SLCO4C1: variants seen among roughly 807,000 people sequenced by gnomAD.
SLCO4C1 encodes the protein solute carrier organic anion transporter family member 4C1.
In SLCO4C1, 58 loss-of-function variants were observed where a neutral mutation model predicts 72.1. The ratio of observed to expected loss-of-function variants is 0.80; its 90% CI spans 0.65 to 1.00. The LOEUF (loss-of-function observed/expected upper bound fraction) is 1.00. Ranked by LOEUF, SLCO4C1 falls within the 50% of genes least tolerant of loss-of-function variation. SLCO4C1 has a pLI of 0.00. For missense variants in SLCO4C1, 898 were observed against 857.9 expected, an observed-to-expected ratio of 1.05 and a Z score of -0.58; for synonymous variants, 297 against 312.5, an observed-to-expected ratio of 0.95 and a Z score of 0.52.
At chr5:102,258,614 T>G (rs1466923360) in intron 6 of SLCO4C1, among the ~76,000 whole-genome samples, 1 of 152,156 alleles carries the variant, frequency 6.6e-6, no homozygotes, top group African/African-American at 2.4e-5. Context: ...TGGCTAGACC[T>G]CTCATAATCT....
chr5:102,279,895 A>T (rs1324320235), intron 2 of SLCO4C1, among the ~76,000 whole-genome samples: 2 of 152,016 alleles, frequency 1.3e-5, no homozygotes, highest in Admixed American at 6.6e-5. Context: ...TTCAACAATG[A>T]TTCCTGATAA....
At chr5:102,293,522 T>C (rs1561384120) in intron 1 of SLCO4C1, among the ~76,000 whole-genome samples, 1 of 152,114 alleles carries the variant, frequency 6.6e-6, no homozygotes, top group Non-Finnish European at 1.5e-5. Flanking sequence ...CATTAGAAAA[T>C]TAAGTACTTA....
chr5:102,289,417 A>G (rs1322956137), intron 2 of SLCO4C1, among the ~76,000 whole-genome samples: 1 of 152,222 alleles, frequency 6.6e-6, no homozygotes, highest in African/African-American at 2.4e-5. Context: ...TTTACGTTTC[A>G]GTTTAGAGAG....
At chr5:102,282,160 T>C (rs1040674379) in intron 2 of SLCO4C1, among the ~76,000 whole-genome samples, 1 of 152,178 alleles carries the variant, frequency 6.6e-6, no homozygotes, top group Non-Finnish European at 1.5e-5. Flanking sequence ...CAAAATATTA[T>C]ATACCGTATA....
At chr5:102,261,385 C>G (rs1313384577) in intron 5 of SLCO4C1, among the ~76,000 whole-genome samples, 1 of 151,498 alleles carries the variant, frequency 6.6e-6, no homozygotes, top group Non-Finnish European at 1.5e-5. Flanking sequence ...GCACTCCAGT[C>G]TGGGCAACAG....
At chr5:102,247,834 T>C (rs1180204045) in intron 9 of SLCO4C1, among the ~76,000 whole-genome samples, 1 of 151,982 alleles carries the variant, frequency 6.6e-6, no homozygotes, top group African/African-American at 2.4e-5. Context: ...AAATCTTTTT[T>C]AGACATTAAG....
At chr5:102,284,591 G>C (rs919293497) in intron 2 of SLCO4C1, among the ~76,000 whole-genome samples, 3 of 151,692 alleles carry the variant, frequency 2.0e-5, no homozygotes, top group Admixed American at 2.0e-4. Flanking sequence ...GAATGCATTT[G>C]CTTTATAGTG....
Position 102,287,035 on chromosome 5 carries a change from C to T in SLCO4C1, c.619+4308G>A, listed in dbSNP as rs973918154. On this transcript the variant is annotated intron_variant, in intron 2 of 12. Coordinates refer to ENST00000310954, the MANE Select transcript of SLCO4C1 (RefSeq NM_180991.5). The stretch of plus-strand genomic sequence containing the variant: ...AAGCACAGAAGGGTATGTTAATTTC[C>T]TCACTGTCCATCTTAAATTAAATTA... Among the ~76,000 whole-genome samples, 5 of 152,046 alleles carry T rather than the reference C, an allele frequency of 3.3e-5. No homozygotes were observed. In the South Asian group the frequency reaches 6.2e-4, roughly 19 times the overall value.
At chr5:102,284,701 C>G (rs1481137813) in intron 2 of SLCO4C1, among the ~76,000 whole-genome samples, 1 of 151,942 alleles carries the variant, frequency 6.6e-6, no homozygotes, top group Non-Finnish European at 1.5e-5. Flanking sequence ...CCTCTAGAAA[C>G]TGTTCTCTGC....
intron 2 of SLCO4C1, 146 bp downstream of exon 2, chr5:102,291,197 C>T: frequency 1.2e-6 from 1 of 801,132 alleles, no homozygotes; most frequent in Non-Finnish European, 2.0e-6. Flanking sequence ...CTATCTCATA[C>T]AGTTCACACA....
At chr5:102,263,922 A>G in intron 3 of SLCO4C1, 142 bp from the exon 4 acceptor site, 1 of 620,880 alleles carries the variant, frequency 1.6e-6, no homozygotes, top group Non-Finnish European at 2.8e-6. Context: ...CTAAAACAAT[A>G]CCATTTGAAT....
At chr5:102,253,619 C>A (rs1303695117) in intron 8 of SLCO4C1, among the ~76,000 whole-genome samples, 1 of 151,966 alleles carries the variant, frequency 6.6e-6, no homozygotes, top group Non-Finnish European at 1.5e-5. Flanking sequence ...TCAGCCTGGT[C>A]AACATGGTGA....
rs3995237 is a variant in SLCO4C1, at chr5:102,236,605, C to CGT, written c.*251_*252dup. 9.1e-3 allele frequency: 2,524 copies of CGT among 276,870 alleles called. 2 individuals carry two copies. Among genetic ancestry groups the CGT allele is most frequent in the South Asian group, 0.019 (448 of 23,650 alleles). The allele number at this position is 276,870 out of a possible 1,614,324, so 17.2% of individuals were successfully genotyped here. A position where few individuals can be genotyped will look rare whatever the true frequency, so the allele number is the denominator to read the frequency against. ...GCGTGTGTGTGTGTGTGTGTGTGTT[C>CGT]GTGTGTGTGTGTGTGTGTGTGCTCG... is the stretch of plus-strand genomic sequence containing the variant. On this transcript the variant is annotated 3_prime_UTR_variant, in exon 13 of 13. Transcript: ENST00000310954.
intron 2 of SLCO4C1, 76 bp downstream of exon 2, chr5:102,291,267 T>C: frequency 1.9e-5 from 28 of 1,455,178 alleles, no homozygotes; most frequent in South Asian, 2.6e-5. Flanking sequence ...TGTAAGTGAA[T>C]TGCAATATAA....
chr5:102,252,800 T>C (rs888031293), intron 8 of SLCO4C1, among the ~76,000 whole-genome samples: 1 of 152,144 alleles, frequency 6.6e-6, no homozygotes, highest in Non-Finnish European at 1.5e-5. Flanking sequence ...AAGCTATTAG[T>C]AGAAAAACGG....
chr5:102,251,132 G>T (rs141116793), intron 8 of SLCO4C1, among the ~76,000 whole-genome samples: 12 of 152,302 alleles, frequency 7.9e-5, no homozygotes, highest in African/African-American at 2.9e-4. Context: ...GATGTCTGAG[G>T]CACAGAGTGA....
chr5:102,248,795 G>A (rs404598), intron 9 of SLCO4C1, among the ~76,000 whole-genome samples: 52,523 of 151,636 alleles, frequency 0.35, 9,425 homozygotes, highest in East Asian at 0.54. Flanking sequence ...ACTATACTGC[G>A]TACTACTCAT....
At chr5:102,255,621 A>G (rs1748819440) in intron 8 of SLCO4C1, among the ~76,000 whole-genome samples, 1 of 152,158 alleles carries the variant, frequency 6.6e-6, no homozygotes, top group African/African-American at 2.4e-5. Flanking sequence ...ACCTTGGTTT[A>G]GCATATTCCC....
intron 3 of SLCO4C1, among the ~76,000 whole-genome samples, chr5:102,268,309 T>G: frequency 6.6e-6 from 1 of 152,178 alleles, no homozygotes; most frequent in East Asian, 1.9e-4. Context: ...ATCTTCTTAG[T>G]GAATTTATTT....
Sources: gnomAD v4.1 joint callset for allele counts (sites outside exome capture counted in the v4.1 genomes callset) on GRCh38, gnomAD v4.1.1 for gene constraint, MANE v1.5 for transcripts, NCBI Gene and HGNC (gene_info 2026-07-23, HGNC 2026-07-21) for gene names.